Variants in VAV2 observed in about 807,000 individuals in gnomAD.
VAV2 encodes vav guanine nucleotide exchange factor 2.
Under a neutral mutation model 132.5 loss-of-function variants are expected in VAV2, and 67 were observed. The ratio of observed to expected loss-of-function variants is 0.51; its 90% CI spans 0.42 to 0.62. The LOEUF (loss-of-function observed/expected upper bound fraction) is 0.62. Ranked by LOEUF, VAV2 falls within the 20% of genes least tolerant of loss-of-function variation. The probability of loss-of-function intolerance (pLI) is 0.00; values close to 1 mark genes in which losing one functional copy is unlikely to be tolerated. For missense variants in VAV2, 938 were observed against 1,153.6 expected, an observed-to-expected ratio of 0.81 and a Z score of 2.71; for synonymous variants, 492 against 443.5, an observed-to-expected ratio of 1.11 and a Z score of -1.37.
rs1055299912 is a variant in VAV2, at chr9:133,794,172, G to GC, written c.1101+1495dup. On this transcript the variant is annotated intron_variant, in intron 12 of 29. Transcript: ENST00000371850. This position sits in a 1 kb window ranked among gnomAD's most constrained non-coding sequence, Gnocchi z 4.6. ...CTGCACCTGCTGTCACTGTCTCAGA[G>GC]CCCCCGAGGACGCATCCACGCTGGC... Among the ~76,000 whole-genome samples the GC allele has an allele frequency of 2.0e-5, 3 of 152,092 alleles. No individual in the cohort carries two copies. The highest frequency in any genetic ancestry group is 7.2e-5 in the African/African-American group (3 of 41,416).
Position 133,769,753 on chromosome 9 carries a change from C to T in VAV2, c.2348-250G>A, listed in dbSNP as rs1487491677. On this transcript the variant is annotated intron_variant, in intron 27 of 29. Transcript: ENST00000371850. The surrounding 1 kb of genome is among the most constrained non-coding windows in gnomAD (Gnocchi z 8.1). The stretch of plus-strand genomic sequence containing the variant: ...CCGTGTACTCGAGAGCAAATTGGGA[C>T]CACCTCCTCTCATGCCCTCGCCTGG... Among the ~76,000 whole-genome samples, 2 of 152,208 alleles carry T rather than the reference C, an allele frequency of 1.3e-5. No homozygotes were observed. The highest frequency in any genetic ancestry group is 2.9e-5 in the Non-Finnish European group (2 of 68,030).
At chr9:133,783,398 C>T (rs1246573510) in intron 19 of VAV2, 105 bp downstream of exon 19, 4 of 1,126,574 alleles carry the variant, frequency 3.6e-6, no homozygotes, top group African/African-American at 1.6e-5. Flanking sequence ...CATCTGGTCG[C>T]TGCCCCGTGG....
chr9:133,777,215 C>G (rs549676485), intron 23 of VAV2, among the ~76,000 whole-genome samples, 174 bp downstream of exon 23: 1 of 152,266 alleles, frequency 6.6e-6, no homozygotes, highest in Admixed American at 6.5e-5. Flanking sequence ...TGCTGCCCCA[C>G]AGCCCCCCAC....
intron 2 of VAV2, among the ~76,000 whole-genome samples, chr9:133,895,600 A>C (rs1839167079): frequency 6.6e-6 from 1 of 152,160 alleles, no homozygotes; most frequent in Admixed American, 6.5e-5. Flanking sequence ...GACCAGGCAA[A>C]TCCACAGCAA....
At chr9:133,839,233 T>C (rs1255029798) in intron 3 of VAV2, among the ~76,000 whole-genome samples, 1 of 151,934 alleles carries the variant, frequency 6.6e-6, no homozygotes, top group Non-Finnish European at 1.5e-5. Context: ...GCTGGATTCA[T>C]GGGTGCATGG....
At chr9:133,978,456 G>A (rs1412424863) in intron 1 of VAV2, among the ~76,000 whole-genome samples, 1 of 152,268 alleles carries the variant, frequency 6.6e-6, no homozygotes, top group Non-Finnish European at 1.5e-5. Context: ...TCCTGGGAAG[G>A]CCACAGCCCG....
chr9:133,906,820 T>C (rs986088727), intron 2 of VAV2, among the ~76,000 whole-genome samples: 1 of 152,120 alleles, frequency 6.6e-6, no homozygotes, highest in African/African-American at 2.4e-5. Flanking sequence ...AGCCCTCCCT[T>C]CTGACGTGCG....
chr9:133,836,362 G>A (rs888021259), intron 3 of VAV2, among the ~76,000 whole-genome samples: 11 of 152,178 alleles, frequency 7.2e-5, no homozygotes, highest in East Asian at 1.9e-4. Flanking sequence ...CCCCGCTCCC[G>A]CACCAGCCCC....
chr9:133,971,234 G>T (rs1316287564), intron 1 of VAV2, among the ~76,000 whole-genome samples: 1 of 152,176 alleles, frequency 6.6e-6, no homozygotes, highest in Non-Finnish European at 1.5e-5. Flanking sequence ...GCCTGTCGGG[G>T]GCAGGGAAAG....
intron 4 of VAV2, among the ~76,000 whole-genome samples, chr9:133,814,550 C>T (rs761359698): frequency 6.6e-6 from 1 of 152,242 alleles, no homozygotes; most frequent in Non-Finnish European, 1.5e-5. Flanking sequence ...AGCTTTTCTC[C>T]AACAGGCCAG....
chr9:133,872,493 G>A (rs979581054), intron 2 of VAV2, among the ~76,000 whole-genome samples: 20 of 148,648 alleles, frequency 1.3e-4, no homozygotes, highest in Non-Finnish European at 2.5e-4. Context: ...GCATGTGGGG[G>A]CACAGCCTCT....
In VAV2 at chr9:133,969,726, T is replaced by G. The variant is rs1482812563; in HGVS notation, c.204+22349A>C. 1.1e-4 allele frequency among the ~76,000 whole-genome samples: 17 copies of G among 151,854 alleles called. No individual in the cohort carries two copies. The East Asian group carries it at 3.1e-3, about 28-fold the overall frequency. ...TCCAATCCACCCCAAGCCCACCCAC[T>G]CCTCCTGCGCTCCAGCGGGGCCGTC... On this transcript the variant is annotated intron_variant, in intron 1 of 29. Transcript: ENST00000371850. This position sits in a 1 kb window ranked among gnomAD's most constrained non-coding sequence, Gnocchi z 5.1.
intron 2 of VAV2, among the ~76,000 whole-genome samples, chr9:133,931,181 T>G (rs1044769307): frequency 6.6e-6 from 1 of 151,950 alleles, no homozygotes; most frequent in Non-Finnish European, 1.5e-5. Flanking sequence ...CAGGGCAAGG[T>G]GCCATCAGGG....
intron 4 of VAV2, among the ~76,000 whole-genome samples, chr9:133,817,256 T>C (rs1429534465): frequency 6.6e-6 from 1 of 152,150 alleles, no homozygotes; most frequent in Non-Finnish European, 1.5e-5. Context: ...CTTCCTCTTC[T>C]GAGAGACTGC....
intron 2 of VAV2, among the ~76,000 whole-genome samples, chr9:133,890,143 C>T (rs1386485099): frequency 2.0e-5 from 3 of 152,200 alleles, no homozygotes; most frequent in African/African-American, 7.2e-5. Flanking sequence ...CAGCACGGAT[C>T]GTGCCAGCCT....
chr9:133,771,854 A>G (rs1833637603), intron 26 of VAV2, 105 bp downstream of exon 26: 2 of 1,087,492 alleles, frequency 1.8e-6, no homozygotes, highest in Non-Finnish European at 2.8e-6. Context: ...CCACACTGGG[A>G]AGAATCAATC....
chr9:133,797,959 G>A (rs371017225), intron 9 of VAV2, 150 bp from the exon 10 acceptor site: 15 of 655,930 alleles, frequency 2.3e-5, no homozygotes, highest in East Asian at 9.1e-5. Context: ...CACATTCAAC[G>A]GCCAGGAGGC....
chr9:133,861,204 C>G (rs568454084), intron 3 of VAV2, 170 bp downstream of exon 3: 1 of 660,368 alleles, frequency 1.5e-6, no homozygotes, highest in African/African-American at 1.9e-5. Flanking sequence ...TCCCGCCCCC[C>G]ACACCCCTTC....
In VAV2 at chr9:133,926,626, C is replaced by T. The variant is rs1409364912; in HGVS notation, c.321+12477G>A. ...ACCTTTGCACATGCTGCCCCTGAGACCTCCCATACCACCACCTTCACCTGG... is the reference window on the plus strand; with the variant it reads ...ACCTTTGCACATGCTGCCCCTGAGATCTCCCATACCACCACCTTCACCTGG... On this transcript the variant is annotated intron_variant, in intron 2 of 29. Transcript: ENST00000371850. The surrounding 1 kb of genome is among the most constrained non-coding windows in gnomAD (Gnocchi z 4.3). Among the ~76,000 whole-genome samples the T allele has an allele frequency of 6.6e-6, 1 of 152,210 alleles. No individual in the cohort carries two copies. Among genetic ancestry groups the T allele is most frequent in the African/African-American group, 2.4e-5 (1 of 41,452 alleles).
Sources: gnomAD v4.1 joint callset for allele counts (sites outside exome capture counted in the v4.1 genomes callset) on GRCh38, gnomAD v4.1.1 for gene constraint, Gnocchi (gnomAD v3.1) non-coding constraint, MANE v1.5 for transcripts, NCBI Gene and HGNC (gene_info 2026-07-23, HGNC 2026-07-21) for gene names.